Variants in NXNL2 observed in about 807,000 individuals in gnomAD.
The protein encoded by NXNL2 is nucleoredoxin like 2.
A neutral mutation model predicts 11.1 loss-of-function variants in NXNL2; 7 were observed. The ratio of observed to expected loss-of-function variants is 0.63; its 90% confidence interval spans 0.36 to 1.18. NXNL2 has a LOEUF of 1.18. Among genes scored for constraint, NXNL2 ranks in the 50% most tolerant of loss-of-function variants. NXNL2 has a pLI of 0.02. For synonymous variants in NXNL2, 109 were observed against 101.8 expected (o/e 1.07, Z -0.42); for missense variants, 233 against 217.7 (o/e 1.07, Z -0.44).
intron 1 of NXNL2, among the ~76,000 whole-genome samples, chr9:88,539,469 G>C (rs577265624): frequency 6.6e-6 from 1 of 152,156 alleles, no homozygotes; most frequent in African/African-American, 2.4e-5. Context: ...AGATAACAGA[G>C]TCCCACCTGG....
intron 1 of NXNL2, among the ~76,000 whole-genome samples, chr9:88,555,481 C>T (rs936586389): frequency 3.9e-5 from 6 of 152,162 alleles, no homozygotes; most frequent in Admixed American, 3.9e-4. Flanking sequence ...ATGAGGACAA[C>T]CAGAGGTTGC....
At chr9:88,557,395 C>T (rs377534620) in intron 1 of NXNL2, among the ~76,000 whole-genome samples, 1 of 152,310 alleles carries the variant, frequency 6.6e-6, no homozygotes, top group East Asian at 1.9e-4. Flanking sequence ...CCAAATTTTC[C>T]TAGTGGAGGC....
chr9:88,567,811 A>C (rs1395873349), intron 1 of NXNL2, among the ~76,000 whole-genome samples: 2 of 152,208 alleles, frequency 1.3e-5, no homozygotes, highest in African/African-American at 4.8e-5. Flanking sequence ...TGTGGGGAGC[A>C]GCCCAGACTC....
At chr9:88,547,698 A>G (rs78281738), downstream of NXNL2, among the ~76,000 whole-genome samples, 2,185 of 152,166 alleles carry the variant, frequency 0.014, 45 homozygotes, top group African/African-American at 0.05. Flanking sequence ...AAACTGAATT[A>G]CCCTTCTCTC....
intron 1 of NXNL2, among the ~76,000 whole-genome samples, chr9:88,556,067 C>A (rs1028928905): frequency 6.6e-6 from 1 of 152,156 alleles, no homozygotes; most frequent in East Asian, 1.9e-4. Context: ...ACACAGCAAC[C>A]CTGGAGCCCC....
At chr9:88,575,202 T>A in exon 3 of NXNL2, 1 of 978,034 alleles carries the variant, frequency 1.0e-6, no homozygotes, top group Non-Finnish European at 1.2e-6. Flanking sequence ...CTGTGCTCAT[T>A]AACAATGTGC....
chr9:88,538,420 C>T (rs1829674868), intron 1 of NXNL2: 1 of 152,246 alleles, frequency 6.6e-6, no homozygotes, highest in African/African-American at 2.4e-5. Context: ...ATGAGACACC[C>T]ATCAGCCAGA....
At chr9:88,566,991 T>TCTATCTATCTAC (rs879638086) in intron 1 of NXNL2, among the ~76,000 whole-genome samples, 135 of 150,560 alleles carry the variant, frequency 9.0e-4, no homozygotes, top group Middle Eastern at 3.4e-3. Flanking sequence ...TATCTATCTA[T>TCTATCTATCTAC]CTATCTATCT....
At position 88,563,924 on chromosome 9, in the gene NXNL2, C is replaced by T. The variant is rs117277793; in HGVS notation, c.303-7163C>T. Among the ~76,000 whole-genome samples the T allele has an allele frequency of 3.2e-3, 481 of 152,090 alleles. 2 individuals are homozygous for T. The East Asian group carries it at 0.042, about 13-fold the overall frequency. On this transcript the variant is annotated intron_variant, in intron 1 of 2. Transcript: ENST00000375855. ...GTGCTTGAGTTTCATCAAAGCCCTT[C>T]TCTGGGCCGGGCGCGGTGGTTCACA... is the stretch of plus-strand genomic sequence containing the variant.
At position 88,544,931 on chromosome 9, in the gene NXNL2, T is replaced by C. The variant is rs1297772892; in HGVS notation, c.*384T>C. The C allele has an allele frequency of 2.0e-6, 2 of 977,112 alleles. No individual in the cohort carries two copies. The highest frequency in any genetic ancestry group is 2.4e-6 in the Non-Finnish European group (2 of 821,064). 60.5% of individuals were successfully genotyped at this position (977,112 alleles called of 1,614,324 possible). A position where few individuals can be genotyped will look rare whatever the true frequency, so the allele number is the denominator to read the frequency against. ...CGATCTGTTTATTTTAATGGTATGCTTTCACAACTATCTTAATAAAGTTTG... is the reference window on the plus strand; with the variant it reads ...CGATCTGTTTATTTTAATGGTATGCCTTCACAACTATCTTAATAAAGTTTG... On this transcript the variant is annotated 3_prime_UTR_variant, in exon 2 of 2. Coordinates refer to ENST00000375854, the MANE Select transcript of NXNL2 (RefSeq NM_001161625.2).
intron 1 of NXNL2, among the ~76,000 whole-genome samples, chr9:88,561,996 T>C (rs1830090995): frequency 6.6e-6 from 1 of 152,172 alleles, no homozygotes; most frequent in Non-Finnish European, 1.5e-5. Context: ...ACCAGGAATG[T>C]GCATAGCAGC....
chr9:88,566,891 C>T (rs1311800701), intron 1 of NXNL2, among the ~76,000 whole-genome samples: 1 of 151,924 alleles, frequency 6.6e-6, no homozygotes, highest in Non-Finnish European at 1.5e-5. Flanking sequence ...TTCTATCTAG[C>T]CTATTATCTA....
chr9:88,560,995 CAAG>C (rs1197863148), intron 1 of NXNL2, among the ~76,000 whole-genome samples: 1 of 152,152 alleles, frequency 6.6e-6, no homozygotes, highest in African/African-American at 2.4e-5. Context: ...TGTACACACA[CAAG>C]AAGACCCCAC....
At chr9:88,559,883 G>C (rs1471091596) in intron 1 of NXNL2, among the ~76,000 whole-genome samples, 2 of 152,186 alleles carry the variant, frequency 1.3e-5, no homozygotes, top group African/African-American at 4.8e-5. Flanking sequence ...AAGTCAGCCT[G>C]TCCTGAGAAC....
chr9:88,543,424 G>A (rs1442902322), intron 1 of NXNL2, among the ~76,000 whole-genome samples: 1 of 151,932 alleles, frequency 6.6e-6, no homozygotes, highest in African/African-American at 2.4e-5. Flanking sequence ...ATGCTACCAC[G>A]CCTAGCTAAT....
At chr9:88,560,109 C>T (rs897587310) in intron 1 of NXNL2, among the ~76,000 whole-genome samples, 2 of 152,226 alleles carry the variant, frequency 1.3e-5, no homozygotes, top group Non-Finnish European at 2.9e-5. Flanking sequence ...ACCTAATACA[C>T]ATCCTTAGGC....
At chr9:88,564,980 C>G (rs1340540399) in intron 1 of NXNL2, among the ~76,000 whole-genome samples, 1 of 152,170 alleles carries the variant, frequency 6.6e-6, no homozygotes, top group African/African-American at 2.4e-5. Flanking sequence ...TCATGTGGCA[C>G]AGATGAAACT....
At chr9:88,578,951 T>G (rs1587858840), downstream of NXNL2, among the ~76,000 whole-genome samples, 5 of 152,270 alleles carry the variant, frequency 3.3e-5, no homozygotes, top group South Asian at 1.0e-3. Flanking sequence ...TACATCTTTG[T>G]CTATGTGACA....
rs780563117 is a variant in NXNL2 at position 88,535,523 on chromosome 9, C to T, written c.89C>T (p.Ala30Val). The change falls in exon 1 of 2, where the codon GCA (alanine) becomes GTA (valine). Residue 30 changes from alanine (A) to valine (V), a missense_variant. By Grantham distance (64) the Ala-to-Val change is moderately conservative (BLOSUM62 0). Coordinates refer to ENST00000375854, the MANE Select transcript of NXNL2 (RefSeq NM_001161625.2). The stretch of plus-strand genomic sequence containing the variant: ...GCGGCGCTGCAGAACAAGGTGGTGG[C>T]ACTGTACTTCGCGGCGGCCCGGTGC... ...AEAALQNKVVALYFAAARCAP... is the reference protein window; with the variant it reads ...AEAALQNKVVVLYFAAARCAP... 5.6e-6 allele frequency: 9 copies of T among 1,609,894 alleles called. No individual in the cohort carries two copies. The highest frequency in any genetic ancestry group is 7.6e-6 in the Non-Finnish European group (9 of 1,179,406).
Sources: gnomAD v4.1 joint callset for allele counts (sites outside exome capture counted in the v4.1 genomes callset) on GRCh38, gnomAD v4.1.1 for gene constraint, MANE v1.5 for transcripts, NCBI Gene and HGNC (gene_info 2026-07-23, HGNC 2026-07-21) for gene names.